ADAM12: variants seen among roughly 807,000 people sequenced by gnomAD.
ADAM12 encodes the protein ADAM metallopeptidase domain 12, also known as disintegrin and metalloproteinase domain-containing protein 12.
ADAM12 carries 70 observed loss-of-function variants against 106.4 expected under a neutral mutation model. That is an observed-to-expected ratio of 0.66 (90% CI 0.54 to 0.80). The LOEUF is 0.80. ADAM12 is among the 30% of genes least tolerant of loss of function. ADAM12 has a pLI of 0.00. For missense variants in ADAM12, 1,010 were observed against 1,171.9 expected (o/e 0.86, Z 2.02); for synonymous variants, 420 against 433.5 (o/e 0.97, Z 0.39).
chr10:126,155,254 A>G lies in ADAM12; in HGVS notation c.312T>C (p.Thr104=). 1.2e-6 allele frequency: 2 copies of G among 1,614,204 alleles called. No homozygotes were observed. Among genetic ancestry groups the G allele is most frequent in the East Asian group, 2.2e-5 (1 of 44,888 alleles). ...FTETHYLQDG[T]DVSLARNYTG... ...TGTAATTTCGAGCGAGGGAGACATC[A>G]GTACCGTCTTGCAGATAGTGGGTTT... Residue 104 remains threonine (T), a synonymous_variant, in exon 4 of 23, where the codon ACT becomes ACC. Transcript: ENST00000448723.
chr10:126,149,491 A>C (rs1456866192), intron 4 of ADAM12, among the ~76,000 whole-genome samples: 1 of 152,196 alleles, frequency 6.6e-6, no homozygotes, highest in Non-Finnish European at 1.5e-5. Flanking sequence ...GCAAAGTATT[A>C]TTCCTGGGTG....
chr10:126,024,478 T>C (rs1377332304), intron 21 of ADAM12, among the ~76,000 whole-genome samples: 1 of 152,170 alleles, frequency 6.6e-6, no homozygotes, highest in Non-Finnish European at 1.5e-5. Context: ...ATAGACTATT[T>C]AAAAAATATA....
chr10:126,236,681 C>A (rs1047612815), intron 3 of ADAM12, among the ~76,000 whole-genome samples: 2 of 151,112 alleles, frequency 1.3e-5, no homozygotes, highest in Admixed American at 1.3e-4. Context: ...GGAAGGAGCA[C>A]CTGTAGGAAA....
chr10:126,072,076 G>T (rs781326920), intron 11 of ADAM12, among the ~76,000 whole-genome samples: 5 of 152,140 alleles, frequency 3.3e-5, no homozygotes, highest in African/African-American at 4.8e-5. Flanking sequence ...GAGTACAAAT[G>T]ACGGTGTTTA....
chr10:126,060,002 C>T (rs1954718201), intron 14 of ADAM12, among the ~76,000 whole-genome samples: 2 of 152,136 alleles, frequency 1.3e-5, no homozygotes, highest in African/African-American at 4.8e-5. Context: ...CTGTGAATAA[C>T]ATTTGTATGT....
At chr10:126,106,909 A>T (rs1420326803) in intron 8 of ADAM12, among the ~76,000 whole-genome samples, 1 of 152,272 alleles carries the variant, frequency 6.6e-6, no homozygotes, top group South Asian at 2.1e-4. Flanking sequence ...GCTTAAAAAC[A>T]TTCACCTAGC....
intron 3 of ADAM12, among the ~76,000 whole-genome samples, chr10:126,223,947 C>A (rs1958144617): frequency 2.0e-5 from 3 of 152,182 alleles, no homozygotes; most frequent in Admixed American, 2.0e-4. Context: ...AAACTGCTAC[C>A]TAAGAGATGC....
intron 5 of ADAM12, among the ~76,000 whole-genome samples, chr10:126,128,370 G>A (rs759145368): frequency 1.3e-5 from 2 of 152,218 alleles, no homozygotes; most frequent in African/African-American, 2.4e-5. Flanking sequence ...GTTGGGAAAC[G>A]AACTCCAGGC....
At position 126,057,034 on chromosome 10, in the gene ADAM12, TC is replaced by T. The variant is rs1353277547; in HGVS notation, c.1610-7366del. On this transcript the variant is annotated intron_variant, in intron 14 of 22. Coordinates refer to ENST00000448723, the MANE Select transcript of ADAM12 (RefSeq NM_001288973.2). ...TCCCTGAGGAATCGCCACACTGACTTCCACAATGGTTGAACTAGTTTACAGT... is the reference window on the plus strand; with the variant it reads ...TCCCTGAGGAATCGCCACACTGACTTCACAATGGTTGAACTAGTTTACAGT... Among the ~76,000 whole-genome samples the T allele has an allele frequency of 6.5e-4, 11 of 16,898 alleles. 2 individuals carry two copies. Among genetic ancestry groups the T allele is most frequent in the African/African-American group, 2.3e-3 (11 of 4,806 alleles). 11.1% of individuals were successfully genotyped at this position (16,898 alleles called of 152,430 possible). A position where few individuals can be genotyped will look rare whatever the true frequency, so the allele number is the denominator to read the frequency against.
chr10:126,068,825 G>T (rs533005775), intron 12 of ADAM12, among the ~76,000 whole-genome samples: 3 of 152,214 alleles, frequency 2.0e-5, no homozygotes, highest in East Asian at 1.9e-4. Flanking sequence ...AAGCATTAGA[G>T]AATTCTCTGC....
intron 10 of ADAM12, among the ~76,000 whole-genome samples, 195 bp downstream of exon 10, chr10:126,098,221 T>C (rs997694670): frequency 6.6e-6 from 1 of 152,258 alleles, no homozygotes. Flanking sequence ...CCACCTTTCC[T>C]GTGTGCAATT....
chr10:126,233,339 G>A (rs1225212464), intron 3 of ADAM12, among the ~76,000 whole-genome samples: 1 of 152,156 alleles, frequency 6.6e-6, no homozygotes, highest in Non-Finnish European at 1.5e-5. Flanking sequence ...TAAAGAAGGA[G>A]AACCTGAGGG....
chr10:126,336,366 T>A (rs904101772), intron 1 of ADAM12, among the ~76,000 whole-genome samples: 5 of 152,216 alleles, frequency 3.3e-5, no homozygotes, highest in Non-Finnish European at 7.3e-5. Flanking sequence ...GGCTCAGGGA[T>A]GACTGGTTAT....
At position 126,155,281 on chromosome 10, in the gene ADAM12, C is replaced by T. The variant is rs777524851; in HGVS notation, c.285G>A (p.Thr95=). The change falls in exon 4 of 23, where the codon ACG becomes ACA. Residue 95 remains threonine, a synonymous_variant. Coordinates refer to ENST00000448723, the MANE Select transcript of ADAM12 (RefSeq NM_001288973.2). The part of the protein sequence containing the change: ...RNEGLIASSF[T]ETHYLQDGTD... Reference sequence around the variant, plus strand: ...TACCGTCTTGCAGATAGTGGGTTTCCGTGAAACTGCTGGCAATGAGACCTC... The same window carrying T: ...TACCGTCTTGCAGATAGTGGGTTTCTGTGAAACTGCTGGCAATGAGACCTC... The T allele has an allele frequency of 1.9e-5, 31 of 1,613,884 alleles. No individual in the cohort carries two copies. In the East Asian group the frequency reaches 4.0e-4, roughly 21 times the overall value.
intron 3 of ADAM12, among the ~76,000 whole-genome samples, chr10:126,214,789 T>C (rs1156581542): frequency 6.6e-6 from 1 of 152,220 alleles, no homozygotes. Flanking sequence ...CAGGTGGCTA[T>C]GCACAGACCA....
chr10:126,099,206 C>T (rs1448606389), intron 9 of ADAM12, among the ~76,000 whole-genome samples: 7 of 152,162 alleles, frequency 4.6e-5, no homozygotes, highest in South Asian at 4.1e-4. Flanking sequence ...AAAAACAAAA[C>T]GCTGTATTTG....
intron 5 of ADAM12, among the ~76,000 whole-genome samples, chr10:126,120,652 C>T (rs1057169101): frequency 2.6e-5 from 4 of 151,744 alleles, no homozygotes; most frequent in Non-Finnish European, 5.9e-5. Flanking sequence ...TCATCCTGTG[C>T]TTTTGGAGAG....
chr10:126,181,697 C>T (rs181199346), intron 3 of ADAM12, among the ~76,000 whole-genome samples: 1 of 152,320 alleles, frequency 6.6e-6, no homozygotes, highest in Admixed American at 6.5e-5. Context: ...GAGAGGCATA[C>T]TGTGGGATTC....
chr10:126,149,059 C>T (rs958378990), intron 4 of ADAM12, among the ~76,000 whole-genome samples: 9 of 152,196 alleles, frequency 5.9e-5, no homozygotes, highest in African/African-American at 2.2e-4. Context: ...CACCCTCTTC[C>T]CTGTAAAGAG....
Sources: allele counts gnomAD v4.1 joint callset (sites outside exome capture counted in the v4.1 genomes callset), GRCh38; gene constraint gnomAD v4.1.1; transcripts MANE v1.5; gene names NCBI Gene and HGNC (gene_info 2026-07-23, HGNC 2026-07-21).